Variants in CPT1A observed in about 807,000 individuals in gnomAD.
The protein encoded by CPT1A is carnitine palmitoyltransferase 1A.
A neutral mutation model predicts 100.8 loss-of-function variants in CPT1A; 64 were observed. That is an observed-to-expected ratio of 0.63 (90% CI 0.52 to 0.78). CPT1A has a LOEUF of 0.78. Ranked by LOEUF, CPT1A falls within the 30% of genes least tolerant of loss-of-function variation. CPT1A has a pLI of 0.00. For synonymous variants in CPT1A, 363 were observed against 396.0 expected (o/e 0.92, Z 0.99); for missense variants, 802 against 1,034.1 (o/e 0.78, Z 3.08).
At chr11:68,830,593 C>T (rs533591002) in intron 1 of CPT1A, among the ~76,000 whole-genome samples, 36 of 152,330 alleles carry the variant, frequency 2.4e-4, no homozygotes, top group Non-Finnish European at 4.9e-4. Flanking sequence ...TCCGCTGTCC[C>T]GTCTCCAGCT....
At position 68,773,302 on chromosome 11, in the gene CPT1A, G is replaced by T; in HGVS notation, c.1703C>A (p.Ala568Asp). ...CAGCTGGAGGGCCAGCTGCACAAAG[G>T]CGTCTGGGCTCGTGCGACATTTCTT... ...IIKKCRTSPD[A>D]FVQLALQLAH... The change falls in exon 14 of 19, where the codon GCC becomes GAC. Residue 568 changes from alanine (A) to aspartate (D), a missense_variant. Transcript: ENST00000265641. The T allele has an allele frequency of 6.2e-7, 1 of 1,614,136 alleles. No individual in the cohort carries two copies.
At chr11:68,803,561 A>G (rs1277021620) in intron 5 of CPT1A, among the ~76,000 whole-genome samples, 1 of 151,930 alleles carries the variant, frequency 6.6e-6, no homozygotes, top group East Asian at 1.9e-4. Flanking sequence ...AAATACAAAA[A>G]TTAGCCGGGC....
intron 1 of CPT1A, among the ~76,000 whole-genome samples, chr11:68,835,017 C>G (rs1856974421): frequency 6.6e-6 from 1 of 150,958 alleles, no homozygotes; most frequent in African/African-American, 2.4e-5. Context: ...AAAAATTAAG[C>G]CAATTCAAAT....
At chr11:68,817,118 TGTG>T (rs1200784880) in intron 1 of CPT1A, among the ~76,000 whole-genome samples, 1 of 117,290 alleles carries the variant, frequency 8.5e-6, no homozygotes, top group Non-Finnish European at 1.6e-5. Flanking sequence ...TGTGTGGGTG[TGTG>T]GTGATGTGTG....
Position 68,773,598 on chromosome 11 carries a change from C to T in CPT1A, c.1576-169G>A, listed in dbSNP as rs151301370. On this transcript the variant is annotated intron_variant, in intron 13 of 18. Transcript: ENST00000265641. ...CCTAGTAAGTTAGGGGCATGGCTCC[C>T]TGACCCCGGAGGAGCAGCTGCAATG... The T allele has an allele frequency of 1.3e-3, 1,619 of 1,252,046 alleles. 18 individuals carry two copies. The African/African-American group carries it at 0.021, about 16-fold the overall frequency. 77.6% of individuals were successfully genotyped at this position (1,252,046 alleles called of 1,614,324 possible).
At chr11:68,789,946 T>C (rs1201823551) in intron 9 of CPT1A, among the ~76,000 whole-genome samples, 2 of 152,226 alleles carry the variant, frequency 1.3e-5, no homozygotes, top group Non-Finnish European at 2.9e-5. Context: ...CTAAAATCTT[T>C]ACATGACAAT....
At chr11:68,837,160 CT>C (rs1857030001) in intron 1 of CPT1A, among the ~76,000 whole-genome samples, 1 of 152,198 alleles carries the variant, frequency 6.6e-6, no homozygotes, top group African/African-American at 2.4e-5. Context: ...AGCGATTCCC[CT>C]GCCTCAGCCT....
chr11:68,821,659 A>T (rs1856585528), intron 1 of CPT1A, among the ~76,000 whole-genome samples: 1 of 152,186 alleles, frequency 6.6e-6, no homozygotes, highest in South Asian at 2.1e-4. Flanking sequence ...CTATGTAAAC[A>T]GTTGTTATGC....
At chr11:68,808,673 A>G (rs1461029146) in intron 3 of CPT1A, among the ~76,000 whole-genome samples, 1 of 151,886 alleles carries the variant, frequency 6.6e-6, no homozygotes, top group Non-Finnish European at 1.5e-5. Context: ...CTGGCCAGAA[A>G]TGCAGCTATT....
At chr11:68,843,115 T>C (rs1355707578), upstream of CPT1A, among the ~76,000 whole-genome samples, 4 of 152,210 alleles carry the variant, frequency 2.6e-5, no homozygotes, top group African/African-American at 7.2e-5. The surrounding 1 kb of genome is among the most constrained non-coding windows in gnomAD (Gnocchi z 4.0). Context: ...AAAGTTCTCC[T>C]TTGATCCCGC....
chr11:68,762,833 T>C, intron 14 of CPT1A, 72 bp from the exon 15 acceptor site: 1 of 1,594,632 alleles, frequency 6.3e-7, no homozygotes, highest in South Asian at 1.1e-5. Flanking sequence ...AAGGATTGGG[T>C]AAGATTGGCA....
In CPT1A at chr11:68,782,080, T is replaced by A. The variant is rs7948344; in HGVS notation, c.1164-121A>T. ...GAATTTCTCGAAGGAAAACTCCATG[T>A]TGATGATGTTCCCCATCTGAGACTG... is the stretch of plus-strand genomic sequence containing the variant. On this transcript the variant is annotated intron_variant, in intron 10 of 18. Transcript: ENST00000265641. 2.3e-3 allele frequency: 2,065 copies of A among 887,300 alleles called. 35 individuals carry two copies. In the African/African-American group the frequency reaches 0.03, roughly 13 times the overall value. The allele number at this position is 887,300 out of a possible 1,614,324, so 55.0% of individuals were successfully genotyped here. A position where few individuals can be genotyped will look rare whatever the true frequency, so the allele number is the denominator to read the frequency against.
intron 3 of CPT1A, among the ~76,000 whole-genome samples, chr11:68,808,906 G>C (rs1856121307): frequency 6.7e-6 from 1 of 149,206 alleles, no homozygotes; most frequent in Admixed American, 6.7e-5. Flanking sequence ...AGGAGTTCGA[G>C]ACCAGCCTGG....
chr11:68,805,537 A>G (rs547842340), intron 4 of CPT1A, among the ~76,000 whole-genome samples: 43 of 152,122 alleles, frequency 2.8e-4, no homozygotes, highest in African/African-American at 1.0e-3. Flanking sequence ...TCTCACAAGC[A>G]GGCTCCCCCA....
chr11:68,839,879 A>C (rs942137448), intron 1 of CPT1A, among the ~76,000 whole-genome samples: 5 of 152,146 alleles, frequency 3.3e-5, no homozygotes, highest in African/African-American at 9.7e-5. Flanking sequence ...ACCCAGTTTA[A>C]TTCTCTTCCC....
chr11:68,754,845 T>C (rs1377925718), downstream of CPT1A: 1 of 780,954 alleles, frequency 1.3e-6, no homozygotes, highest in African/African-American at 1.7e-5. Context: ...CCTTGACTTA[T>C]AATCCCCTTA....
At chr11:68,761,747 T>G (rs1030396111) in intron 15 of CPT1A, 60 bp from the exon 16 acceptor site, 1 of 1,591,460 alleles carries the variant, frequency 6.3e-7, no homozygotes, top group African/African-American at 1.3e-5. Context: ...CAGTTACGGA[T>G]CTAAGTTAGC....
At chr11:68,800,731 T>G (rs1379984971) in intron 5 of CPT1A, among the ~76,000 whole-genome samples, 1 of 152,166 alleles carries the variant, frequency 6.6e-6, no homozygotes, top group Non-Finnish European at 1.5e-5. Flanking sequence ...ACAAGTTGTT[T>G]GTCTGCTGTA....
intron 16 of CPT1A, among the ~76,000 whole-genome samples, chr11:68,760,935 A>G (rs1417922700): frequency 6.6e-6 from 1 of 151,928 alleles, no homozygotes; most frequent in African/African-American, 2.4e-5. Context: ...GCAGGAGAAT[A>G]GCTTGAACCC....
Sources: gnomAD v4.1 joint callset for allele counts (sites outside exome capture counted in the v4.1 genomes callset) on GRCh38, gnomAD v4.1.1 for gene constraint, Gnocchi (gnomAD v3.1) non-coding constraint, MANE v1.5 for transcripts, NCBI Gene and HGNC (gene_info 2026-07-23, HGNC 2026-07-21) for gene names.